Variants in GJB7 observed in about 807,000 individuals in gnomAD.
The protein encoded by GJB7 is gap junction protein beta 7.
For missense variants in GJB7, 253 were observed against 256.8 expected, an observed-to-expected ratio of 0.99 and a Z score of 0.10; for synonymous variants, 87 against 95.2, an observed-to-expected ratio of 0.91 and a Z score of 0.50.
intron 2 of GJB7, among the ~76,000 whole-genome samples, chr6:87,309,714 C>A (rs1776489893): frequency 6.6e-6 from 1 of 151,994 alleles, no homozygotes; most frequent in Non-Finnish European, 1.5e-5. Flanking sequence ...AAAACAGAAA[C>A]CATGTTTCTG....
chr6:87,320,494 T>C (rs920379749), intron 2 of GJB7, among the ~76,000 whole-genome samples: 1 of 152,212 alleles, frequency 6.6e-6, no homozygotes, highest in African/African-American at 2.4e-5. Context: ...GAGATAGGTC[T>C]CAATCAATTT....
intron 2 of GJB7, among the ~76,000 whole-genome samples, chr6:87,295,137 T>C (rs776550099): frequency 6.6e-6 from 1 of 150,866 alleles, no homozygotes; most frequent in Non-Finnish European, 1.5e-5. Context: ...GCATAAGAAA[T>C]GAGAGAAGTA....
At chr6:87,296,342 A>G (rs567068721) in intron 2 of GJB7, among the ~76,000 whole-genome samples, 2 of 152,242 alleles carry the variant, frequency 1.3e-5, no homozygotes, top group Non-Finnish European at 2.9e-5. Context: ...TTTAAGAGTT[A>G]AATTTTATAT....
chr6:87,310,434 G>C (rs1365168069), intron 2 of GJB7, among the ~76,000 whole-genome samples: 1 of 152,014 alleles, frequency 6.6e-6, no homozygotes, highest in East Asian at 1.9e-4. Flanking sequence ...TGCAATACAT[G>C]TATCTGACAA....
intron 2 of GJB7, among the ~76,000 whole-genome samples, chr6:87,313,339 G>C (rs920044160): frequency 6.6e-6 from 1 of 152,186 alleles, no homozygotes. Flanking sequence ...ACCCTTTTAG[G>C]ACTATTACAG....
At chr6:87,303,876 C>A (rs954458555) in intron 2 of GJB7, among the ~76,000 whole-genome samples, 1 of 152,198 alleles carries the variant, frequency 6.6e-6, no homozygotes, top group Non-Finnish European at 1.5e-5. Context: ...GAAACTCACT[C>A]AAAACCACAC....
rs1440776793 is a variant in GJB7, at chr6:87,290,184, T to A, written c.-27-5245A>T. On this transcript the variant is annotated intron_variant, in intron 2 of 2. Coordinates refer to ENST00000525899, the MANE Select transcript of GJB7 (RefSeq NM_198568.3). ...GGAAGAACTGAAAAACTCAAAGAGG[T>A]GGGATACTCATCCAACACTCCCAAT... 1.7e-4 allele frequency among the ~76,000 whole-genome samples: 26 copies of A among 152,040 alleles called. 1 individual carries two copies. The highest frequency in any genetic ancestry group is 1.7e-3 in the Admixed American group (26 of 15,260).
chr6:87,320,177 T>C (rs879462404), intron 2 of GJB7, among the ~76,000 whole-genome samples: 2 of 152,180 alleles, frequency 1.3e-5, no homozygotes, highest in Non-Finnish European at 2.9e-5. Flanking sequence ...ATAATTGGAA[T>C]GTTTGTAACA....
chr6:87,290,998 T>C (rs763572467), intron 2 of GJB7, among the ~76,000 whole-genome samples: 7 of 152,098 alleles, frequency 4.6e-5, no homozygotes, highest in African/African-American at 7.2e-5. Flanking sequence ...GAAGCCACGA[T>C]GGGTAGATGT....
chr6:87,301,913 A>T (rs780722733), intron 2 of GJB7, among the ~76,000 whole-genome samples: 1 of 152,252 alleles, frequency 6.6e-6, no homozygotes, highest in Non-Finnish European at 1.5e-5. Context: ...ATACCCAGGC[A>T]AACAGGGTCA....
At chr6:87,285,238 A>C (rs561405106) in intron 2 of GJB7, among the ~76,000 whole-genome samples, 1 of 152,256 alleles carries the variant, frequency 6.6e-6, no homozygotes, top group East Asian at 1.9e-4. Context: ...TTTCTAGTTT[A>C]TTGCTTCCCT....
chr6:87,312,271 T>C (rs1311480394), intron 2 of GJB7, among the ~76,000 whole-genome samples: 1 of 151,836 alleles, frequency 6.6e-6, no homozygotes, highest in Non-Finnish European at 1.5e-5. Context: ...CCCAGCACTT[T>C]GGGAGGCTGA....
chr6:87,297,727 C>T (rs1776266820), intron 2 of GJB7, among the ~76,000 whole-genome samples: 2 of 152,130 alleles, frequency 1.3e-5, no homozygotes, highest in South Asian at 4.1e-4. Context: ...TTCTAGGCTT[C>T]CACAAATGAT....
chr6:87,322,843 C>G (rs1012532252), intron 2 of GJB7, 23 bp downstream of exon 2: 1 of 152,356 alleles, frequency 6.6e-6, no homozygotes, highest in African/African-American at 2.4e-5. Flanking sequence ...TCTGGCCCCA[C>G]AGAGCCCATT....
At chr6:87,311,181 C>A (rs1269363386) in intron 2 of GJB7, among the ~76,000 whole-genome samples, 1 of 152,118 alleles carries the variant, frequency 6.6e-6, no homozygotes, top group Non-Finnish European at 1.5e-5. Context: ...GATATGGAAA[C>A]AAACTTGCAT....
chr6:87,306,583 T>C (rs1444290099), intron 2 of GJB7, among the ~76,000 whole-genome samples: 12 of 151,960 alleles, frequency 7.9e-5, no homozygotes, highest in Admixed American at 1.3e-4. Flanking sequence ...GATGGGACCG[T>C]AAACTAGTTC....
chr6:87,312,641 G>A (rs1373598013), intron 2 of GJB7, among the ~76,000 whole-genome samples: 2 of 152,052 alleles, frequency 1.3e-5, no homozygotes, highest in Non-Finnish European at 2.9e-5. Flanking sequence ...AACAAAAGAA[G>A]AGAATCTCTT....
chr6:87,316,682 C>T (rs1488394112), intron 2 of GJB7, among the ~76,000 whole-genome samples: 2 of 152,206 alleles, frequency 1.3e-5, no homozygotes, highest in South Asian at 2.1e-4. Flanking sequence ...ATCTTCCTCA[C>T]TCTGTTTTGA....
intron 1 of GJB7, among the ~76,000 whole-genome samples, chr6:87,328,576 T>C (rs12197520): frequency 0.4 from 60,123 of 151,546 alleles, 12,891 homozygotes; most frequent in Non-Finnish European, 0.48. Context: ...GGGTCAGGGG[T>C]CAGGGACCCA....
Sources: allele counts gnomAD v4.1 joint callset (sites outside exome capture counted in the v4.1 genomes callset), GRCh38; gene constraint gnomAD v4.1.1; transcripts MANE v1.5; gene names NCBI Gene and HGNC (gene_info 2026-07-23, HGNC 2026-07-21).